The following TAGLN2 variants were observed in gnomAD, a reference collection of about 807,000 sequenced individuals.
TAGLN2 encodes transgelin 2, also known as transgelin-2.
Under a neutral mutation model 24.9 loss-of-function variants are expected in TAGLN2, and 14 were observed. That is an observed-to-expected ratio of 0.56 (90% confidence interval 0.37 to 0.88). The LOEUF (loss-of-function observed/expected upper bound fraction) is 0.88. Among genes scored for constraint, TAGLN2 ranks in the 40% least tolerant of loss-of-function variants. The pLI is 0.00. For synonymous variants in TAGLN2, 77 were observed against 98.2 expected, an observed-to-expected ratio of 0.78 and a Z score of 1.28; for missense variants, 208 against 258.9, an observed-to-expected ratio of 0.80 and a Z score of 1.35.
In TAGLN2 at chr1:159,918,907, T is replaced by A. The variant is rs777481024; in HGVS notation, c.493A>T (p.Asn165Tyr). 6.2e-6 allele frequency: 10 copies of A among 1,614,120 alleles called. No homozygotes were observed. The highest frequency in any genetic ancestry group is 8.5e-6 in the Non-Finnish European group (10 of 1,180,040). The change falls in exon 5 of 5, where the codon AAC becomes TAC. Residue 165 changes from asparagine (N) to tyrosine (Y), a missense_variant. By Grantham distance (143) the Asn-to-Tyr change is moderately radical. Coordinates refer to ENST00000368097, the MANE Select transcript of TAGLN2 (RefSeq NM_003564.3). Reference sequence around the variant, plus strand: ...ACGTTCTTGCCCTCTTGCAGCTGGTTATCCGAGAAGTTCCGAGGATTCTCC... The same window carrying A: ...ACGTTCTTGCCCTCTTGCAGCTGGTAATCCGAGAAGTTCCGAGGATTCTCC... ...SKENPRNFSD[N>Y]QLQEGKNVIG...
chr1:159,919,776 G>A lies in TAGLN2; in HGVS notation c.240C>T (p.Ile80=), dbSNP rs776835652. ...YPEGQAPVKK[I]QASTMAFKQM... The stretch of plus-strand genomic sequence containing the variant: ...GCTTGAAGGCCATGGTGGAGGCCTG[G>A]ATCTTCTTTACTGGGGCCTGCCCCT... The change falls in exon 3 of 5, where the codon ATC becomes ATT. Residue 80 remains isoleucine (I), a synonymous_variant. Transcript: ENST00000368097. 1.9e-6 allele frequency: 3 copies of A among 1,614,108 alleles called. No homozygotes were observed. Among genetic ancestry groups the A allele is most frequent in the Non-Finnish European group, 2.5e-6 (3 of 1,180,000 alleles).
chr1:159,921,286 C>T lies in TAGLN2; in HGVS notation c.-28-749G>A, dbSNP rs1219313802. Among the ~76,000 whole-genome samples, 5 of 152,234 alleles carry T rather than the reference C, an allele frequency of 3.3e-5. No individual in the cohort carries two copies. In the South Asian group the frequency reaches 6.2e-4, roughly 19 times the overall value. On this transcript the variant is annotated intron_variant, in intron 1 of 4. Transcript: ENST00000368097. ...TAAGATCTCGAAATGGGGAGATTAT[C>T]CTGCATCATCTAAATGAGCCCAGTG...
At chr1:159,923,695 C>CTTTAAT in intron 1 of TAGLN2, 1 of 429,730 alleles carries the variant, frequency 2.3e-6, no homozygotes, top group Non-Finnish European at 4.1e-6. Context: ...AGGGAACCAC[C>CTTTAAT]GTAGGGCAGC....
chr1:159,925,007 C>G (rs952914640), intron 1 of TAGLN2: 6 of 152,388 alleles, frequency 3.9e-5, no homozygotes, highest in African/African-American at 1.4e-4. Flanking sequence ...TCAGAGGGCA[C>G]GCAGTGCTCA....
chr1:159,925,201 A>T (rs1557927385), intron 1 of TAGLN2: 1 of 151,932 alleles, frequency 6.6e-6, no homozygotes, highest in Admixed American at 6.5e-5. Context: ...TCAGTCCCTG[A>T]GTCCCTGCTC....
At chr1:159,924,668 G>T (rs1650646269) in intron 1 of TAGLN2, 1 of 152,302 alleles carries the variant, frequency 6.6e-6, no homozygotes, top group South Asian at 2.1e-4. Flanking sequence ...CGCCGCTGGG[G>T]TGACGCAGTG....
intron 4 of TAGLN2, 105 bp downstream of exon 4, chr1:159,919,169 C>T: frequency 7.5e-7 from 1 of 1,329,062 alleles, no homozygotes; most frequent in South Asian, 1.2e-5. Flanking sequence ...TCTGAAAGTG[C>T]TTTGTAAAGG....
intron 2 of TAGLN2, 106 bp from the exon 3 acceptor site, chr1:159,919,941 C>A: frequency 7.5e-7 from 1 of 1,328,582 alleles, no homozygotes; most frequent in Admixed American, 1.9e-5. Flanking sequence ...AGGCTCCTGT[C>A]TTGCCTGAAG....
intron 1 of TAGLN2, chr1:159,923,697 T>TTTTTTG: frequency 2.2e-6 from 1 of 458,792 alleles, no homozygotes; most frequent in Non-Finnish European, 3.9e-6. Flanking sequence ...GGAACCACCG[T>TTTTTTG]AGGGCAGCCC....
At chr1:159,919,433 C>T (rs1221574304) in intron 3 of TAGLN2, 57 bp from the exon 4 acceptor site, 38 of 1,550,852 alleles carry the variant, frequency 2.5e-5, no homozygotes, top group South Asian at 1.0e-4. Flanking sequence ...ACCAGGGTTC[C>T]GCCTCTATCG....
In TAGLN2 at chr1:159,919,396, T is replaced by C. The variant is rs774757656; in HGVS notation, c.356-20A>G. ...TCTTTCCTGGGAAGGAGAATGGGAATGTGTCAGCCTCCGCAGTGTCCTAGA... is the reference window on the plus strand; with the variant it reads ...TCTTTCCTGGGAAGGAGAATGGGAACGTGTCAGCCTCCGCAGTGTCCTAGA... On this transcript the variant is annotated intron_variant, in intron 3 of 4. Coordinates refer to ENST00000368097, the MANE Select transcript of TAGLN2 (RefSeq NM_003564.3). The C allele has an allele frequency of 1.4e-5, 22 of 1,611,260 alleles. No individual in the cohort carries two copies. Among genetic ancestry groups the C allele is most frequent in the Non-Finnish European group, 1.8e-5 (21 of 1,177,342 alleles).
intron 1 of TAGLN2, chr1:159,923,368 T>A (rs1234693649): frequency 1.3e-6 from 2 of 1,517,530 alleles, no homozygotes; most frequent in African/African-American, 1.4e-5. Flanking sequence ...GGAGTTACAA[T>A]AGGCGGGAAA....
Position 159,919,644 on chromosome 1 carries a change from C to G in TAGLN2, c.355+17G>C. The stretch of plus-strand genomic sequence containing the variant: ...GGCCTCCTGGATGACAGGACCCAGC[C>G]CCTCGCCCTGTCCCACCTTCCCAGA... On this transcript the variant is annotated intron_variant, in intron 3 of 4. Coordinates refer to ENST00000368097, the MANE Select transcript of TAGLN2 (RefSeq NM_003564.3). The G allele has an allele frequency of 6.2e-7, 1 of 1,610,238 alleles. No homozygotes were observed. Among genetic ancestry groups the G allele is most frequent in the Non-Finnish European group, 8.5e-7 (1 of 1,178,228 alleles).
At position 159,919,720 on chromosome 1, in the gene TAGLN2, G is replaced by A. The variant is rs1453712747; in HGVS notation, c.296C>T (p.Ala99Val). The part of the protein sequence containing the change: ...QMEQISQFLQ[A>V]AERYGINTTD... ...GGTGTTAATGCCATAGCGCTCAGCTGCTTGCAGGAACTGAGAGATCTGCTC... is the reference window on the plus strand; with the variant it reads ...GGTGTTAATGCCATAGCGCTCAGCTACTTGCAGGAACTGAGAGATCTGCTC... The change falls in exon 3 of 5, where the codon GCA becomes GTA. Residue 99 changes from alanine (A) to valine (V), a missense_variant. By Grantham distance (64) the Ala-to-Val change is moderately conservative (BLOSUM62 0). Transcript: ENST00000368097. The A allele has an allele frequency of 6.2e-7, 1 of 1,613,812 alleles. No homozygotes were observed. Among genetic ancestry groups the A allele is most frequent in the Non-Finnish European group, 8.5e-7 (1 of 1,179,922 alleles).
intron 3 of TAGLN2, 142 bp downstream of exon 3, chr1:159,919,519 T>C: frequency 1.5e-6 from 2 of 1,323,340 alleles, no homozygotes; most frequent in Non-Finnish European, 2.1e-6. Context: ...GCCTCCAATA[T>C]GACCAAGTGC....
chr1:159,923,584 T>G lies in TAGLN2; in HGVS notation c.-29+1866A>C, dbSNP rs995145293. 9.4e-6 allele frequency: 11 copies of G among 1,166,768 alleles called. No homozygotes were observed. The African/African-American group carries it at 1.6e-4, about 17-fold the overall frequency. The allele number at this position is 1,166,768 out of a possible 1,614,324, so 72.3% of individuals were successfully genotyped here. A position where few individuals can be genotyped will look rare whatever the true frequency, so the allele number is the denominator to read the frequency against. On this transcript the variant is annotated intron_variant, in intron 1 of 4. Coordinates refer to ENST00000368097, the MANE Select transcript of TAGLN2 (RefSeq NM_003564.3). ...CACAGGAGAACTTCCCAACTCAGAT[T>G]TGGGACAGGGAGTGTTCTCAAAGAG...
chr1:159,919,094 G>T, intron 4 of TAGLN2, 153 bp from the exon 5 acceptor site: 1 of 1,326,184 alleles, frequency 7.5e-7, no homozygotes, highest in Non-Finnish European at 1.1e-6. Flanking sequence ...CTCCTCATCT[G>T]TCCAAAGGGA....
chr1:159,921,397 A>C (rs1230366402), intron 1 of TAGLN2, among the ~76,000 whole-genome samples: 1 of 152,200 alleles, frequency 6.6e-6, no homozygotes, highest in Non-Finnish European at 1.5e-5. Flanking sequence ...AAATGGAAGT[A>C]GAAGTCAGAG....
At chr1:159,923,705 C>A in intron 1 of TAGLN2, 2 of 399,926 alleles carry the variant, frequency 5.0e-6, no homozygotes, top group South Asian at 7.0e-5. Context: ...CGTAGGGCAG[C>A]CCCTCACCAC....
Sources: gnomAD v4.1 joint callset for allele counts (sites outside exome capture counted in the v4.1 genomes callset) on GRCh38, gnomAD v4.1.1 for gene constraint, MANE v1.5 for transcripts, NCBI Gene and HGNC (gene_info 2026-07-23, HGNC 2026-07-21) for gene names.